The following MAN1C1 variants were observed in gnomAD, a reference collection of about 807,000 sequenced individuals.
MAN1C1 encodes mannosidase alpha class 1C member 1.
MAN1C1 carries 49 observed loss-of-function variants against 71.5 expected under a neutral mutation model. The observed-to-expected ratio is 0.69, with a 90% confidence interval of 0.54 to 0.87. MAN1C1 has a LOEUF of 0.87. Ranked by LOEUF, MAN1C1 falls within the 40% of genes least tolerant of loss-of-function variation. MAN1C1 has a pLI of 0.00. For missense variants in MAN1C1, 743 were observed against 835.0 expected (o/e 0.89, Z 1.36); for synonymous variants, 352 against 343.7 (o/e 1.02, Z -0.27).
At chr1:25,678,878 G>C (rs1414443419) in intron 1 of MAN1C1, among the ~76,000 whole-genome samples, 1 of 152,174 alleles carries the variant, frequency 6.6e-6, no homozygotes, top group Non-Finnish European at 1.5e-5. Context: ...ACGCCAAAAT[G>C]GGAATGGTGG....
At chr1:25,694,810 G>A (rs1229574291) in intron 2 of MAN1C1, among the ~76,000 whole-genome samples, 10 of 152,200 alleles carry the variant, frequency 6.6e-5, no homozygotes, top group South Asian at 2.1e-4. Context: ...GGATCTCCAC[G>A]TATGTTTCTG....
intron 8 of MAN1C1, 200 bp downstream of exon 8, chr1:25,771,972 T>C: frequency 1.8e-6 from 1 of 562,956 alleles, no homozygotes; most frequent in Non-Finnish European, 3.1e-6. Flanking sequence ...CCACATGCTC[T>C]AAGACTGGGG....
At chr1:25,632,865 A>ATTTTTTTTTTTTTTTTTTTTTTTTTTTGT (rs33924292) in intron 1 of MAN1C1, among the ~76,000 whole-genome samples, 1 of 113,102 alleles carries the variant, frequency 8.8e-6, no homozygotes, top group African/African-American at 3.6e-5. Flanking sequence ...TACAATTTTG[A>ATTTTTTTTTTTTTTTTTTTTTTTTTTTGT]TTTTTTTTTT....
Position 25,758,636 on chromosome 1 carries a change from C to T in MAN1C1, c.974C>T (p.Ala325Val), listed in dbSNP as rs750883027. The T allele has an allele frequency of 6.2e-6, 10 of 1,614,032 alleles. No individual in the cohort carries two copies. The highest frequency in any genetic ancestry group is 2.2e-5 in the East Asian group (1 of 44,898). Reference protein sequence around the residue: ...WATAGSSSILAEFGSLHLEFL... With the variant: ...WATAGSSSILVEFGSLHLEFL... The stretch of plus-strand genomic sequence containing the variant: ...ACAGCCGGCAGCAGCAGCATCTTGG[C>T]GGAGTTTGGATCCCTGCACTTGGAA... Residue 325 changes from alanine to valine, a missense_variant, in exon 6 of 12, where the codon GCG becomes GTG. Coordinates refer to ENST00000374332, the MANE Select transcript of MAN1C1 (RefSeq NM_020379.4).
At chr1:25,639,766 G>A (rs1484750537) in intron 1 of MAN1C1, among the ~76,000 whole-genome samples, 2 of 152,138 alleles carry the variant, frequency 1.3e-5, no homozygotes, top group African/African-American at 4.8e-5. Flanking sequence ...ATTGGCATTG[G>A]ATGAGTGAAA....
In MAN1C1 at chr1:25,758,695, G is replaced by A; in HGVS notation, c.1033G>A (p.Val345Ile). ...CCTCACTGAACTCTCTGGCAACCAG[G>A]TCTTCGCTGAAAAGGCAAGTCTCCT... ...LHLTELSGNQ[V>I]FAEKVRNIRK... Residue 345 changes from valine (V) to isoleucine (I), a missense_variant, in exon 6 of 12, where the codon GTC becomes ATC. Val to Ile is a conservative substitution (Grantham distance 29, BLOSUM62 3). Transcript: ENST00000374332. 1 of 1,614,010 alleles carries A rather than the reference G, an allele frequency of 6.2e-7. No individual in the cohort carries two copies. The highest frequency in any genetic ancestry group is 8.5e-7 in the Non-Finnish European group (1 of 1,179,846).
chr1:25,687,919 C>T (rs2744779), intron 2 of MAN1C1, among the ~76,000 whole-genome samples: 22,963 of 151,708 alleles, frequency 0.15, 3,609 homozygotes, highest in African/African-American at 0.4. Flanking sequence ...TCTGCTTTTT[C>T]TTCCTTTTAT....
At position 25,783,747 on chromosome 1, in the gene MAN1C1, G is replaced by A; in HGVS notation, c.1851G>A (p.Val617=). 6.2e-7 allele frequency: 1 copy of A among 1,612,968 alleles called. No homozygotes were observed. The highest frequency in any genetic ancestry group is 1.6e-4 in the Middle Eastern group (1 of 6,062). ...VFNTEAHPLP[V]NHSDSSGRAW... ...ACACCGAGGCCCACCCACTCCCGGT[G>A]AACCACTCAGACAGCTCCGGCAGAG... Residue 617 remains valine (V), a synonymous_variant, in exon 12 of 12, where the codon GTG becomes GTA. Coordinates refer to ENST00000374332, the MANE Select transcript of MAN1C1 (RefSeq NM_020379.4).
intron 2 of MAN1C1, among the ~76,000 whole-genome samples, chr1:25,732,551 G>A (rs1228056982): frequency 6.6e-6 from 1 of 152,218 alleles, no homozygotes; most frequent in African/African-American, 2.4e-5. Context: ...CGGCCTTCAC[G>A]CAGGTTTGCG....
intron 7 of MAN1C1, among the ~76,000 whole-genome samples, chr1:25,767,243 C>A (rs1470168113): frequency 7.2e-6 from 1 of 138,722 alleles, no homozygotes; most frequent in Non-Finnish European, 1.5e-5. Context: ...ACACTCCCCT[C>A]ACATCCACAC....
chr1:25,771,987 G>T (rs1557802604), intron 8 of MAN1C1: 1 of 537,224 alleles, frequency 1.9e-6, no homozygotes, highest in Non-Finnish European at 3.3e-6. Flanking sequence ...CTGGGGCTTT[G>T]TTAGATGTGA....
intron 2 of MAN1C1, among the ~76,000 whole-genome samples, chr1:25,693,773 C>G (rs2046336541): frequency 6.6e-6 from 1 of 152,150 alleles, no homozygotes; most frequent in African/African-American, 2.4e-5. Context: ...CTAGACCAGC[C>G]TAAGTTTGAA....
chr1:25,758,972 A>T (rs2047326210), intron 6 of MAN1C1: 1 of 455,506 alleles, frequency 2.2e-6, no homozygotes, highest in Non-Finnish European at 4.0e-6. Context: ...AAAGGTTCTC[A>T]CTGGTCTGCG....
chr1:25,642,611 G>A (rs2045552742), intron 1 of MAN1C1, among the ~76,000 whole-genome samples: 1 of 152,192 alleles, frequency 6.6e-6, no homozygotes, highest in African/African-American at 2.4e-5. Context: ...TTGCCAACTT[G>A]CAATCGTTCT....
chr1:25,689,169 G>A (rs771641871), intron 2 of MAN1C1, among the ~76,000 whole-genome samples: 147 of 152,068 alleles, frequency 9.7e-4, no homozygotes, highest in Non-Finnish European at 2.2e-4. Flanking sequence ...ATGGGACAGC[G>A]AAAGTTCTAC....
chr1:25,729,110 A>T (rs1488894525), intron 2 of MAN1C1, among the ~76,000 whole-genome samples: 1 of 152,184 alleles, frequency 6.6e-6, no homozygotes, highest in Non-Finnish European at 1.5e-5. Context: ...CCCTCAACAT[A>T]GAGACCAAAC....
intron 2 of MAN1C1, among the ~76,000 whole-genome samples, chr1:25,695,064 T>G (rs74544090): frequency 0.01 from 1,557 of 152,230 alleles, 31 homozygotes; most frequent in African/African-American, 0.035. Flanking sequence ...CATAACTACT[T>G]GATGAGTTTT....
chr1:25,762,280 T>C (rs1289873903), intron 6 of MAN1C1, among the ~76,000 whole-genome samples: 4 of 151,838 alleles, frequency 2.6e-5, no homozygotes, highest in African/African-American at 9.7e-5. Flanking sequence ...GAATGTGCCA[T>C]CACACCCAGC....
At chr1:25,691,787 G>A (rs543039708) in intron 2 of MAN1C1, among the ~76,000 whole-genome samples, 25 of 152,276 alleles carry the variant, frequency 1.6e-4, no homozygotes, top group African/African-American at 5.3e-4. Context: ...CTTCATTTAA[G>A]CAGCTTACAC....
Sources: allele counts gnomAD v4.1 joint callset (sites outside exome capture counted in the v4.1 genomes callset), GRCh38; gene constraint gnomAD v4.1.1; transcripts MANE v1.5; gene names NCBI Gene and HGNC (gene_info 2026-07-23, HGNC 2026-07-21).